Variants in BICD1 observed in about 807,000 individuals in gnomAD.
The protein encoded by BICD1 is BICD cargo adaptor 1.
BICD1 carries 35 observed loss-of-function variants against 92.5 expected under a neutral mutation model. That is an observed-to-expected ratio of 0.38 (90% CI 0.29 to 0.50). The LOEUF (loss-of-function observed/expected upper bound fraction) is 0.50. Among genes scored for constraint, BICD1 ranks in the 20% least tolerant of loss-of-function variants. BICD1 has a pLI of 0.93. For synonymous variants in BICD1, 429 were observed against 465.1 expected, an observed-to-expected ratio of 0.92 and a Z score of 1.00; for missense variants, 950 against 1,189.8, an observed-to-expected ratio of 0.80 and a Z score of 2.97.
chr12:32,323,056 T>C (rs1948696875), intron 4 of BICD1, among the ~76,000 whole-genome samples: 1 of 152,220 alleles, frequency 6.6e-6, no homozygotes, highest in Non-Finnish European at 1.5e-5. Flanking sequence ...AGAATAGAGA[T>C]TTTCCATCTC....
At chr12:32,156,067 G>A (rs1943428114) in intron 1 of BICD1, among the ~76,000 whole-genome samples, 1 of 152,198 alleles carries the variant, frequency 6.6e-6, no homozygotes, top group South Asian at 2.1e-4. Flanking sequence ...TGAGAGATAA[G>A]TATTCTCCTG....
chr12:32,140,850 A>G (rs1942899165), intron 1 of BICD1, among the ~76,000 whole-genome samples: 1 of 152,164 alleles, frequency 6.6e-6, no homozygotes, highest in East Asian at 1.9e-4. Context: ...AACAAAGGAC[A>G]ATAACTGCAT....
intron 4 of BICD1, among the ~76,000 whole-genome samples, chr12:32,316,158 T>G (rs1948495595): frequency 1.3e-5 from 2 of 150,638 alleles, no homozygotes; most frequent in Non-Finnish European, 3.0e-5. Flanking sequence ...AAAAAAGGCT[T>G]TGAGTTAGAT....
At position 32,126,328 on chromosome 12, in the gene BICD1, GTT is replaced by G. The variant is rs1307494143; in HGVS notation, c.213+18786_213+18787del. Among the ~76,000 whole-genome samples, 7 of 152,160 alleles carry G rather than the reference GTT, an allele frequency of 4.6e-5. No individual in the cohort carries two copies. In the South Asian group the frequency reaches 1.0e-3, roughly 23 times the overall value. On this transcript the variant is annotated intron_variant, in intron 1 of 9. Coordinates refer to ENST00000652176, the MANE Select transcript of BICD1 (RefSeq NM_001714.4). ...ACGGTTTGCAGACTGTTCACACCGA[GTT>G]TGTGTAGAAAGGATGAAATCTTAAG...
intron 4 of BICD1, among the ~76,000 whole-genome samples, chr12:32,318,628 G>A (rs1948569328): frequency 6.6e-6 from 1 of 152,194 alleles, no homozygotes; most frequent in Admixed American, 6.6e-5. Flanking sequence ...GCCTAGGCAG[G>A]TGGATCACCT....
chr12:32,254,609 G>C (rs1394228837), intron 2 of BICD1, among the ~76,000 whole-genome samples: 2 of 152,218 alleles, frequency 1.3e-5, no homozygotes, highest in Non-Finnish European at 2.9e-5. Flanking sequence ...TCAGCATGCT[G>C]TGTCAAGAGC....
At chr12:32,222,111 A>G (rs934466561) in intron 2 of BICD1, among the ~76,000 whole-genome samples, 3 of 152,222 alleles carry the variant, frequency 2.0e-5, no homozygotes, top group African/African-American at 7.2e-5. Flanking sequence ...TAATGTCTCA[A>G]ATATAAGATA....
chr12:32,140,126 A>G (rs1592361915), intron 1 of BICD1, among the ~76,000 whole-genome samples: 1 of 152,082 alleles, frequency 6.6e-6, no homozygotes, highest in African/African-American at 2.4e-5. Flanking sequence ...CCTTTGTGTT[A>G]CCTGCCATGT....
chr12:32,334,591 A>C lies in BICD1; in HGVS notation c.2176A>C (p.Lys726Gln). 6.2e-7 allele frequency: 1 copy of C among 1,612,888 alleles called. No individual in the cohort carries two copies. The highest frequency in any genetic ancestry group is 8.5e-7 in the Non-Finnish European group (1 of 1,179,454). The stretch of plus-strand genomic sequence containing the variant: ...AGCAATGGTGACTGAAACCATGACG[A>C]AGCTTAGAAATGAACTGAAGGCTTT... ...EKAMVTETMTKLRNELKALKE... is the reference protein window; with the variant it reads ...EKAMVTETMTQLRNELKALKE... Residue 726 changes from lysine to glutamine, a missense_variant, in exon 6 of 10, where the codon AAG becomes CAG. This residue lies in a region of BICD1 where 309 missense variants were observed against 499.4 expected (regional missense o/e 0.62). Coordinates refer to ENST00000652176, the MANE Select transcript of BICD1 (RefSeq NM_001714.4).
At chr12:32,306,700 G>T (rs1356927416) in intron 4 of BICD1, among the ~76,000 whole-genome samples, 1 of 151,968 alleles carries the variant, frequency 6.6e-6, no homozygotes, top group Admixed American at 6.6e-5. Context: ...GAGCTCCAAT[G>T]AAGTCTGAGA....
chr12:32,292,924 A>G (rs937524282), intron 2 of BICD1, among the ~76,000 whole-genome samples: 2 of 152,196 alleles, frequency 1.3e-5, no homozygotes, highest in African/African-American at 4.8e-5. Flanking sequence ...TATACTTGCC[A>G]TATAAGTTTA....
intron 1 of BICD1, among the ~76,000 whole-genome samples, chr12:32,175,725 A>G (rs1383437738): frequency 6.6e-6 from 1 of 152,204 alleles, no homozygotes; most frequent in African/African-American, 2.4e-5. Flanking sequence ...TATATTTTAT[A>G]TATCATAAAA....
chr12:32,296,606 A>G (rs1371877185), intron 3 of BICD1, among the ~76,000 whole-genome samples: 1 of 152,092 alleles, frequency 6.6e-6, no homozygotes, highest in African/African-American at 2.4e-5. Context: ...GATGAAACAC[A>G]TAGAGGATTT....
Position 32,378,658 on chromosome 12 carries a change from A to G in BICD1, c.*1031A>G, listed in dbSNP as rs1280861168. On this transcript the variant is annotated 3_prime_UTR_variant, in exon 10 of 10. Transcript: ENST00000652176. ...AAATATATACATATATAGATGTAAGATAGCCTTTAATTAATTAATTTACCC... is the reference window on the plus strand; with the variant it reads ...AAATATATACATATATAGATGTAAGGTAGCCTTTAATTAATTAATTTACCC... The G allele has an allele frequency of 2.6e-5, 4 of 152,220 alleles. No individual in the cohort carries two copies. The highest frequency in any genetic ancestry group is 5.9e-5 in the Non-Finnish European group (4 of 68,042). 9.4% of individuals were successfully genotyped at this position (152,220 alleles called of 1,614,324 possible).
chr12:32,147,608 G>A (rs1943153903), intron 1 of BICD1, among the ~76,000 whole-genome samples: 1 of 152,142 alleles, frequency 6.6e-6, no homozygotes. Flanking sequence ...GAGTTTTTAT[G>A]TTGATAATTT....
At chr12:32,192,605 A>G (rs1422189643) in intron 1 of BICD1, among the ~76,000 whole-genome samples, 23 of 152,214 alleles carry the variant, frequency 1.5e-4, no homozygotes, top group Admixed American at 1.3e-3. Flanking sequence ...CTTCAGTTCT[A>G]TGAAGACTGA....
chr12:32,306,112 A>C lies in BICD1; in HGVS notation c.995A>C (p.Gln332Pro). ...TCAGAAATACAGAAGTTGAAGCAGC[A>C]GCTTATGCAGGTAAGAACTTTGTTT... Reference protein sequence around the residue: ...NISEIQKLKQQLMQVEREKAI... With the variant: ...NISEIQKLKQPLMQVEREKAI... The change falls in exon 4 of 10, where the codon CAG becomes CCG. Residue 332 changes from glutamine (Q) to proline (P), a missense_variant. Transcript: ENST00000652176. 1 of 1,596,166 alleles carries C rather than the reference A, an allele frequency of 6.3e-7. No individual in the cohort carries two copies.
At chr12:32,156,826 T>C (rs926872196) in intron 1 of BICD1, among the ~76,000 whole-genome samples, 1 of 152,232 alleles carries the variant, frequency 6.6e-6, no homozygotes, top group Non-Finnish European at 1.5e-5. Flanking sequence ...AAGCTGCATT[T>C]TATGTTCTTC....
In BICD1 at chr12:32,221,010, C is replaced by T. The variant is rs1313375116; in HGVS notation, c.426+4551C>T. Reference sequence around the variant, plus strand: ...ATTGCAAGAACAAAAAACCAAACACCGCATATTCTCACTCATAGGTGGGAA... The same window carrying T: ...ATTGCAAGAACAAAAAACCAAACACTGCATATTCTCACTCATAGGTGGGAA... On this transcript the variant is annotated intron_variant, in intron 2 of 9. Coordinates refer to ENST00000652176, the MANE Select transcript of BICD1 (RefSeq NM_001714.4). Among the ~76,000 whole-genome samples, 841 of 145,706 alleles carry T rather than the reference C, an allele frequency of 5.8e-3. 9 individuals carry two copies. The highest frequency in any genetic ancestry group is 0.02 in the African/African-American group (789 of 39,154).
Sources: gnomAD v4.1 joint callset for allele counts (sites outside exome capture counted in the v4.1 genomes callset) on GRCh38, gnomAD v4.1.1 for gene constraint, gnomAD v4.1.1 regional missense constraint, MANE v1.5 for transcripts, NCBI Gene and HGNC (gene_info 2026-07-23, HGNC 2026-07-21) for gene names.